The following TBC1D30 variants were observed in gnomAD, a reference collection of about 807,000 sequenced individuals.
TBC1D30 encodes the protein TBC1 domain family, member 30.
TBC1D30 carries 31 observed loss-of-function variants against 63.2 expected under a neutral mutation model. The ratio of observed to expected loss-of-function variants is 0.49; its 90% CI spans 0.37 to 0.66. The LOEUF (loss-of-function observed/expected upper bound fraction) is 0.66, where lower values mean the gene tolerates loss of function less well. Among genes scored for constraint, TBC1D30 ranks in the 30% least tolerant of loss-of-function variants. The pLI, the probability that TBC1D30 is intolerant of heterozygous loss-of-function variation, is 0.00. For synonymous variants in TBC1D30, 307 were observed against 361.5 expected, an observed-to-expected ratio of 0.85 and a Z score of 1.71; for missense variants, 810 against 953.6, an observed-to-expected ratio of 0.85 and a Z score of 1.98.
chr12:64,835,616 G>A (rs1875278237), intron 5 of TBC1D30, among the ~76,000 whole-genome samples: 1 of 152,118 alleles, frequency 6.6e-6, no homozygotes, highest in Non-Finnish European at 1.5e-5. Flanking sequence ...ATTAGCACGT[G>A]GATGCTCTTC....
Position 64,815,797 on chromosome 12 carries a change from C to CT in TBC1D30, c.644-12032dup, listed in dbSNP as rs1473208540. On this transcript the variant is annotated intron_variant, in intron 2 of 12. Coordinates refer to the TBC1D30 transcript ENST00000542120. ...GATAATGTAAGATTCTTTTTTTTTT[C>CT]TTTTTTGAGACAGAGTCTTACTCTG... Among the ~76,000 whole-genome samples, 4 of 148,132 alleles carry CT rather than the reference C, an allele frequency of 2.7e-5. No individual in the cohort carries two copies. In the South Asian group the frequency reaches 8.4e-4, roughly 31 times the overall value.
At chr12:64,871,557 G>T (rs1338810947) in intron 11 of TBC1D30, among the ~76,000 whole-genome samples, 1 of 152,162 alleles carries the variant, frequency 6.6e-6, no homozygotes, top group Non-Finnish European at 1.5e-5. Context: ...CACAAAAACT[G>T]AATTTACCTT....
chr12:64,797,639 TACTC>T (rs1872358169), intron 2 of TBC1D30, among the ~76,000 whole-genome samples: 1 of 151,080 alleles, frequency 6.6e-6, no homozygotes. Context: ...AGTCTGTTCA[TACTC>T]TCTCTCTCTT....
chr12:64,836,428 T>C, intron 5 of TBC1D30, 62 bp from the exon 6 acceptor site: 2 of 1,338,272 alleles, frequency 1.5e-6, no homozygotes, highest in Middle Eastern at 1.9e-4. Context: ...ATTTTCTCTT[T>C]AGGACGTGTT....
chr12:64,769,572 G>C (rs1483017042), intron 1 of TBC1D30, among the ~76,000 whole-genome samples: 2 of 145,668 alleles, frequency 1.4e-5, no homozygotes, highest in African/African-American at 5.1e-5. Context: ...ATTTTTAGTA[G>C]AGACGGGGTT....
intron 2 of TBC1D30, chr12:64,818,440 A>G (rs1239814451): frequency 4.9e-6 from 4 of 813,506 alleles, no homozygotes; most frequent in Non-Finnish European, 5.9e-6. Flanking sequence ...ACTGTAAACT[A>G]TTTTTTTTTT....
At position 64,838,683 on chromosome 12, in the gene TBC1D30, G is replaced by A. The variant is rs912063784; in HGVS notation, c.764G>A (p.Gly255Asp). The A allele has an allele frequency of 6.5e-7, 1 of 1,536,464 alleles. No individual in the cohort carries two copies. The highest frequency in any genetic ancestry group is 1.2e-5 in the South Asian group (1 of 84,024). The change falls in exon 7 of 12, where the codon GGT (glycine) becomes GAT (aspartate). Residue 255 changes from glycine to aspartate, a missense_variant and splice_region_variant. Coordinates refer to ENST00000539867, the MANE Select transcript of TBC1D30 (RefSeq NM_015279.2). ...ATTGAATGTGTTTGTTTTATTTCAG[G>A]TGGATATGAGCCCCCACTTACAAAT... ...LQRTANKESG[G>D]GYEPPLTNVF...
chr12:64,840,086 A>C (rs1875740699), intron 7 of TBC1D30, among the ~76,000 whole-genome samples: 1 of 151,666 alleles, frequency 6.6e-6, no homozygotes, highest in Non-Finnish European at 1.5e-5. Context: ...ATTTTTAAAC[A>C]TCACCTAGCT....
At chr12:64,792,353 C>T (rs145902176) in intron 2 of TBC1D30, among the ~76,000 whole-genome samples, 110 of 152,272 alleles carry the variant, frequency 7.2e-4, no homozygotes, top group African/African-American at 2.5e-3. Context: ...GTATAGGTTC[C>T]TAAGCAATAT....
At chr12:64,842,424 C>G (rs977669404) in intron 7 of TBC1D30, among the ~76,000 whole-genome samples, 2 of 152,110 alleles carry the variant, frequency 1.3e-5, no homozygotes, top group Non-Finnish European at 2.9e-5. Flanking sequence ...GTTTTGGGCT[C>G]TTCTGTTTTC....
rs1031362500 is a variant in TBC1D30, at chr12:64,875,164, C to T, written c.1662C>T (p.Tyr554=). The change falls in exon 12 of 12, where the codon TAC becomes TAT. Residue 554 remains tyrosine, a synonymous_variant. Coordinates refer to ENST00000539867, the MANE Select transcript of TBC1D30 (RefSeq NM_015279.2). ...HTGGKISPVP[Y]EDLKTKLNSP... Reference sequence around the variant, plus strand: ...GAGGGAAAATATCTCCTGTCCCCTACGAAGACCTTAAGACGAAGCTCAACT... The same window carrying T: ...GAGGGAAAATATCTCCTGTCCCCTATGAAGACCTTAAGACGAAGCTCAACT... 29 of 1,536,280 alleles carry T rather than the reference C, an allele frequency of 1.9e-5. No individual in the cohort carries two copies. Among genetic ancestry groups the T allele is most frequent in the Admixed American group, 1.2e-4 (6 of 50,984 alleles).
At chr12:64,836,691 AT>A in intron 6 of TBC1D30, 33 bp downstream of exon 6, 3 of 1,506,722 alleles carry the variant, frequency 2.0e-6, no homozygotes, top group Non-Finnish European at 2.7e-6. Flanking sequence ...CTCTGAAAAT[AT>A]TTGTCTTCTC....
intron 1 of TBC1D30, among the ~76,000 whole-genome samples, chr12:64,771,532 G>A (rs550287434): frequency 1.3e-5 from 2 of 152,102 alleles, no homozygotes; most frequent in Admixed American, 6.6e-5. Context: ...ACAAACAAGT[G>A]CATGAATAGG....
At chr12:64,821,667 C>T (rs1346974198), upstream of TBC1D30, among the ~76,000 whole-genome samples, 1 of 152,224 alleles carries the variant, frequency 6.6e-6, no homozygotes, top group Admixed American at 6.5e-5. Flanking sequence ...CAAAGGGAAG[C>T]ATCAGACCTC....
intron 2 of TBC1D30, among the ~76,000 whole-genome samples, chr12:64,803,921 G>A (rs908367781): frequency 5.3e-5 from 8 of 152,212 alleles, no homozygotes; most frequent in Non-Finnish European, 2.9e-5. Flanking sequence ...ATAGTTTGAA[G>A]TCAGGTAGTG....
rs982081893 is a variant in TBC1D30 at position 64,879,059 on chromosome 12, TA to T, written c.*3275del. 6.6e-6 allele frequency: 1 copy of T among 152,544 alleles called. No individual in the cohort carries two copies. The highest frequency in any genetic ancestry group is 2.4e-5 in the African/African-American group (1 of 41,458). 9.4% of individuals were successfully genotyped at this position (152,544 alleles called of 1,614,324 possible). A position where few individuals can be genotyped will look rare whatever the true frequency, so the allele number is the denominator to read the frequency against. ...CACTTTCTTTGCTGTCTGCAGCATT[TA>T]AAATATATTATTTTTCCTAATTAGA... On this transcript the variant is annotated 3_prime_UTR_variant, in exon 12 of 12. Coordinates refer to ENST00000539867, the MANE Select transcript of TBC1D30 (RefSeq NM_015279.2).
intron 2 of TBC1D30, among the ~76,000 whole-genome samples, chr12:64,804,613 T>C (rs2136321078): frequency 6.6e-6 from 1 of 152,330 alleles, no homozygotes; most frequent in South Asian, 2.1e-4. Flanking sequence ...CAGTATGATA[T>C]TGGCTGATCC....
chr12:64,829,664 T>C (rs1385528364), intron 3 of TBC1D30, among the ~76,000 whole-genome samples: 1 of 152,254 alleles, frequency 6.6e-6, no homozygotes, highest in African/African-American at 2.4e-5. Flanking sequence ...TAAATCAATG[T>C]TTATTTCTGC....
chr12:64,793,515 C>T (rs974710974), intron 2 of TBC1D30, among the ~76,000 whole-genome samples: 8 of 149,758 alleles, frequency 5.3e-5, no homozygotes, highest in African/African-American at 1.7e-4. Context: ...AAAGAATTAG[C>T]TGGGCGTGGT....
Sources: allele counts gnomAD v4.1 joint callset (sites outside exome capture counted in the v4.1 genomes callset), GRCh38; gene constraint gnomAD v4.1.1; transcripts MANE v1.5; gene names NCBI Gene and HGNC (gene_info 2026-07-23, HGNC 2026-07-21).